The following SLC25A21 variants were observed in gnomAD, a reference collection of about 807,000 sequenced individuals.
SLC25A21 encodes the protein solute carrier family 25 member 21, also known as mitochondrial 2-oxodicarboxylate carrier.
A neutral mutation model predicts 43.8 loss-of-function variants in SLC25A21; 47 were observed. The observed-to-expected ratio is 1.07, with a 90% CI of 0.85 to 1.37. SLC25A21 has a LOEUF of 1.37. Ranked by LOEUF, SLC25A21 falls within the 40% of genes most tolerant of loss-of-function variation. The pLI, the probability that SLC25A21 is intolerant of heterozygous loss-of-function variation, is 0.00. For synonymous variants in SLC25A21, 131 were observed against 121.3 expected, an observed-to-expected ratio of 1.08 and a Z score of -0.52; for missense variants, 352 against 350.2, an observed-to-expected ratio of 1.00 and a Z score of -0.04.
chr14:36,840,529 T>A (rs897688390), intron 2 of SLC25A21, among the ~76,000 whole-genome samples: 1 of 152,200 alleles, frequency 6.6e-6, no homozygotes, highest in Non-Finnish European at 1.5e-5. Flanking sequence ...TCCTTACTAG[T>A]CTCACTAATG....
At chr14:37,040,244 G>T (rs762621820) in intron 1 of SLC25A21, among the ~76,000 whole-genome samples, 1 of 35,942 alleles carries the variant, frequency 2.8e-5, no homozygotes. Context: ...GGGAGGAAGG[G>T]AGGAAGGGAG....
At chr14:37,011,842 A>G (rs1226760878) in intron 1 of SLC25A21, among the ~76,000 whole-genome samples, 1 of 152,208 alleles carries the variant, frequency 6.6e-6, no homozygotes, top group Non-Finnish European at 1.5e-5. Flanking sequence ...TTCCGAGCAC[A>G]GGTTTACAAA....
intron 1 of SLC25A21, among the ~76,000 whole-genome samples, chr14:37,048,619 G>A (rs1961639332): frequency 6.6e-6 from 1 of 152,078 alleles, no homozygotes; most frequent in Admixed American, 6.6e-5. Context: ...CAGCTGGGAG[G>A]AGCCTATATT....
chr14:37,172,373 G>A lies in SLC25A21; in HGVS notation c.-23C>T, dbSNP rs777464645. 3 of 1,584,472 alleles carry A rather than the reference G, an allele frequency of 1.9e-6. No homozygotes were observed. Among genetic ancestry groups the A allele is most frequent in the Non-Finnish European group, 2.6e-6 (3 of 1,165,070 alleles). On this transcript the variant is annotated 5_prime_UTR_variant, in exon 1 of 10. Transcript: ENST00000331299. ...CATCTTCGCCAGGCGGGAGGACAAG[G>A]GAGTGGGCTGAGATGCGTCAACGAG...
intron 1 of SLC25A21, among the ~76,000 whole-genome samples, chr14:37,047,145 G>A (rs1416745768): frequency 6.6e-6 from 1 of 152,174 alleles, no homozygotes; most frequent in Non-Finnish European, 1.5e-5. Context: ...AGGGTTTGGA[G>A]AGACATGGGG....
chr14:36,857,075 G>C (rs932808512), intron 2 of SLC25A21, among the ~76,000 whole-genome samples: 2 of 152,196 alleles, frequency 1.3e-5, no homozygotes, highest in Non-Finnish European at 2.9e-5. Context: ...ATACACTCTA[G>C]TAGCCAAATG....
Position 36,857,021 on chromosome 14 carries a change from T to C in SLC25A21, c.119+17935A>G, listed in dbSNP as rs115249308. Among the ~76,000 whole-genome samples the C allele has an allele frequency of 4.7e-3, 719 of 152,368 alleles. 6 individuals are homozygous for C. Among genetic ancestry groups the C allele is most frequent in the African/African-American group, 0.017 (704 of 41,588 alleles). ...TCTGCAATGATTTTTACAGCCCTCA[T>C]ATTTCCATGGGCCTTTTCACATTTA... is the stretch of plus-strand genomic sequence containing the variant. On this transcript the variant is annotated intron_variant, in intron 2 of 9. Transcript: ENST00000331299.
chr14:36,716,435 CTATG>C (rs1455128411), intron 6 of SLC25A21, among the ~76,000 whole-genome samples: 1 of 152,152 alleles, frequency 6.6e-6, no homozygotes, highest in African/African-American at 2.4e-5. Context: ...AAAATAGTCA[CTATG>C]TGAGATGATA....
intron 1 of SLC25A21, among the ~76,000 whole-genome samples, chr14:37,106,323 C>T (rs2138870809): frequency 6.6e-6 from 1 of 152,106 alleles, no homozygotes; most frequent in Non-Finnish European, 1.5e-5. Flanking sequence ...AATTATTTTC[C>T]TAGCAAGTAA....
chr14:36,765,758 G>A (rs712325), intron 3 of SLC25A21, among the ~76,000 whole-genome samples: 5 of 151,928 alleles, frequency 3.3e-5, no homozygotes, highest in Admixed American at 2.0e-4. Flanking sequence ...GATCAAAGCC[G>A]TTGAACTTTC....
chr14:36,916,362 T>C (rs1891832689), intron 1 of SLC25A21, among the ~76,000 whole-genome samples: 1 of 152,202 alleles, frequency 6.6e-6, no homozygotes, highest in African/African-American at 2.4e-5. Flanking sequence ...TAGACCTGAC[T>C]ATCAGGGAGA....
intron 1 of SLC25A21, among the ~76,000 whole-genome samples, chr14:36,953,010 T>C (rs1322702648): frequency 6.6e-6 from 1 of 152,256 alleles, no homozygotes; most frequent in Non-Finnish European, 1.5e-5. Flanking sequence ...TTGATTTTTA[T>C]CATTTTGCTA....
intron 6 of SLC25A21, among the ~76,000 whole-genome samples, chr14:36,723,400 A>C (rs945794779): frequency 6.6e-6 from 1 of 152,226 alleles, no homozygotes; most frequent in African/African-American, 2.4e-5. Flanking sequence ...TACTTTGCTA[A>C]ATTCTAAATA....
intron 7 of SLC25A21, among the ~76,000 whole-genome samples, chr14:36,699,288 C>A (rs1198719163): frequency 6.6e-6 from 1 of 152,120 alleles, no homozygotes; most frequent in East Asian, 1.9e-4. Flanking sequence ...TGCAGAACAG[C>A]AAATATTGCT....
chr14:36,927,147 G>A (rs1892154883), intron 1 of SLC25A21, among the ~76,000 whole-genome samples: 1 of 152,158 alleles, frequency 6.6e-6, no homozygotes, highest in Non-Finnish European at 1.5e-5. Context: ...TCCAGCCTGG[G>A]CAACAGGACA....
intron 3 of SLC25A21, among the ~76,000 whole-genome samples, chr14:36,803,402 T>G (rs1408129334): frequency 6.6e-6 from 1 of 152,324 alleles, no homozygotes; most frequent in Non-Finnish European, 1.5e-5. Context: ...CTCTGGAAAT[T>G]TTATTATTTG....
At chr14:36,905,579 A>G (rs1316482157) in intron 1 of SLC25A21, among the ~76,000 whole-genome samples, 2 of 152,158 alleles carry the variant, frequency 1.3e-5, no homozygotes, top group African/African-American at 2.4e-5. Flanking sequence ...TAAAGCTAAC[A>G]GCTTATGGCT....
At chr14:37,011,134 A>T (rs1200390307) in intron 1 of SLC25A21, among the ~76,000 whole-genome samples, 1 of 151,986 alleles carries the variant, frequency 6.6e-6, no homozygotes, top group Admixed American at 6.6e-5. Flanking sequence ...TGATCCGCCC[A>T]CCTCAGCCTC....
At chr14:36,871,718 G>C (rs1594656119) in intron 2 of SLC25A21, among the ~76,000 whole-genome samples, 1 of 152,180 alleles carries the variant, frequency 6.6e-6, no homozygotes, top group South Asian at 2.1e-4. Flanking sequence ...AGTATTCCGA[G>C]AGTACTGGAT....
Sources: allele counts gnomAD v4.1 joint callset (sites outside exome capture counted in the v4.1 genomes callset), GRCh38; gene constraint gnomAD v4.1.1; transcripts MANE v1.5; gene names NCBI Gene and HGNC (gene_info 2026-07-23, HGNC 2026-07-21).